The following SRFBP1 variants were observed in gnomAD, a reference collection of about 807,000 sequenced individuals.
SRFBP1 encodes serum response factor-binding protein 1.
Under a neutral mutation model 45.5 loss-of-function variants are expected in SRFBP1, and 47 were observed. The observed-to-expected ratio is 1.03, with a 90% CI of 0.82 to 1.32. SRFBP1 has a LOEUF of 1.32. SRFBP1 is among the 40% of genes most tolerant of loss of function. The pLI is 0.00. For synonymous variants in SRFBP1, 203 were observed against 166.3 expected, an observed-to-expected ratio of 1.22 and a Z score of -1.70; for missense variants, 621 against 484.6, an observed-to-expected ratio of 1.28 and a Z score of -2.64.
At chr5:121,966,688 G>A (rs1384264949) in intron 1 of SRFBP1, among the ~76,000 whole-genome samples, 2 of 152,234 alleles carry the variant, frequency 1.3e-5, no homozygotes, top group East Asian at 1.9e-4. Context: ...ATCAGATTTA[G>A]GAGGTGTAGC....
At chr5:122,054,546 C>T (rs1407404769) in intron 2 of SRFBP1, among the ~76,000 whole-genome samples, 1 of 152,198 alleles carries the variant, frequency 6.6e-6, no homozygotes, top group Non-Finnish European at 1.5e-5. Context: ...TTGAAAGACA[C>T]TGTAACTGTG....
intron 3 of SRFBP1, among the ~76,000 whole-genome samples, chr5:121,976,875 T>A (rs911575483): frequency 2.7e-5 from 4 of 150,140 alleles, no homozygotes. Context: ...TTTATATATA[T>A]AAAAAATATA....
chr5:121,962,420 C>T (rs538568935), intron 1 of SRFBP1, among the ~76,000 whole-genome samples: 16 of 152,270 alleles, frequency 1.1e-4, no homozygotes, highest in African/African-American at 3.4e-4. Context: ...GTGCCTGACC[C>T]TTAATAAACT....
chr5:121,975,350 G>A lies in SRFBP1; in HGVS notation c.161G>A (p.Arg54Gln), dbSNP rs939285720. 65 of 1,613,208 alleles carry A rather than the reference G, an allele frequency of 4.0e-5. No homozygotes were observed. The highest frequency in any genetic ancestry group is 5.0e-5 in the Non-Finnish European group (59 of 1,179,402). ...TEDALLKNQRRAQRLLEEIHA... is the reference protein window; with the variant it reads ...TEDALLKNQRQAQRLLEEIHA... ...GATGCACTGTTAAAAAACCAAAGAC[G>A]GGCGCAAAGATTGCTTGAAGAAATC... The change falls in exon 3 of 8, where the codon CGG (arginine) becomes CAG (glutamine). Residue 54 changes from arginine to glutamine, a missense_variant. Coordinates refer to ENST00000339397, the MANE Select transcript of SRFBP1 (RefSeq NM_152546.3).
chr5:122,055,190 G>A (rs562451907), intron 2 of SRFBP1, among the ~76,000 whole-genome samples: 1 of 152,148 alleles, frequency 6.6e-6, no homozygotes, highest in Non-Finnish European at 1.5e-5. Context: ...CCTCACTCAT[G>A]ATGCCTTCTT....
chr5:121,975,331 C>G lies in SRFBP1; in HGVS notation c.142C>G (p.Leu48Val), dbSNP rs572296441. ...LKSKKGTEDA[L>V]LKNQRRAQRL... ...TTTTTGCAGGGGTACTGAAGATGCA[C>G]TGTTAAAAAACCAAAGACGGGCGCA... Residue 48 changes from leucine (L) to valine (V), a missense_variant, in exon 3 of 8, where the codon CTG (leucine) becomes GTG (valine). Leu to Val is a conservative substitution (Grantham distance 32, BLOSUM62 1). Coordinates refer to ENST00000339397, the MANE Select transcript of SRFBP1 (RefSeq NM_152546.3). 1.5e-5 allele frequency: 24 copies of G among 1,613,212 alleles called. No homozygotes were observed. Among genetic ancestry groups the G allele is most frequent in the Admixed American group, 3.3e-5 (2 of 59,982 alleles).
chr5:122,005,745 C>T (rs1400598944), intron 4 of SRFBP1, among the ~76,000 whole-genome samples: 1 of 151,974 alleles, frequency 6.6e-6, no homozygotes, highest in Non-Finnish European at 1.5e-5. Context: ...TTCTCTCTTG[C>T]TGTGTTTCTC....
chr5:121,967,251 C>T lies in SRFBP1; in HGVS notation c.36+5183C>T, dbSNP rs536248179. On this transcript the variant is annotated intron_variant, in intron 1 of 7. Transcript: ENST00000339397. ...GAATGTCAAGAACCACGTTTGTATG[C>T]GCTTATGAAGTTACAAAACGCTTGT... is the stretch of plus-strand genomic sequence containing the variant. Among the ~76,000 whole-genome samples, 18 of 152,204 alleles carry T rather than the reference C, an allele frequency of 1.2e-4. No homozygotes were observed. In the South Asian group the frequency reaches 2.5e-3, roughly 21 times the overall value.
chr5:121,995,615 A>C (rs892495850), intron 4 of SRFBP1, among the ~76,000 whole-genome samples: 6 of 152,206 alleles, frequency 3.9e-5, no homozygotes, highest in Middle Eastern at 3.2e-3. Flanking sequence ...CTAGAAAAGC[A>C]AGAGCAAACA....
At chr5:122,015,451 A>G (rs1285679848) in intron 4 of SRFBP1, among the ~76,000 whole-genome samples, 3 of 152,174 alleles carry the variant, frequency 2.0e-5, no homozygotes, top group East Asian at 3.9e-4. Context: ...CAAGGATTCT[A>G]CTTGCATGTA....
chr5:122,045,109 CAG>C (rs1753834771), intron 2 of SRFBP1, among the ~76,000 whole-genome samples: 1 of 152,106 alleles, frequency 6.6e-6, no homozygotes, highest in South Asian at 2.1e-4. Context: ...CATTTATGAA[CAG>C]AGAGTCCTAT....
At chr5:122,029,622 C>A, downstream of SRFBP1, among the ~76,000 whole-genome samples, 1 of 152,146 alleles carries the variant, frequency 6.6e-6, no homozygotes, top group East Asian at 1.9e-4. Context: ...GGCCACTGAG[C>A]TCTTTTGGGG....
At chr5:121,982,064 G>T (rs749060167) in intron 3 of SRFBP1, among the ~76,000 whole-genome samples, 6 of 151,806 alleles carry the variant, frequency 4.0e-5, no homozygotes, top group Non-Finnish European at 7.4e-5. Flanking sequence ...AGAAGAATCT[G>T]TAATCAGAAG....
intron 1 of SRFBP1, among the ~76,000 whole-genome samples, chr5:121,969,037 C>T (rs1023447054): frequency 2.6e-5 from 4 of 152,106 alleles, no homozygotes; most frequent in Admixed American, 2.6e-4. Context: ...AGCCAAAAGT[C>T]AATTCAAGTA....
rs532715942 is a variant in SRFBP1, at chr5:121,962,179, G to A, written c.36+111G>A. On this transcript the variant is annotated intron_variant, in intron 1 of 7. Coordinates refer to ENST00000339397, the MANE Select transcript of SRFBP1 (RefSeq NM_152546.3). ...GGGTGCGGTTGGAGGAACTTTCGTG[G>A]TGGGCCCAGGCGGGTTTCCCGCAAC... 2.7e-5 allele frequency: 37 copies of A among 1,383,206 alleles called. 1 individual carries two copies. In the South Asian group the frequency reaches 4.2e-4, roughly 16 times the overall value. 85.7% of individuals were successfully genotyped at this position (1,383,206 alleles called of 1,614,324 possible).
intron 4 of SRFBP1, among the ~76,000 whole-genome samples, chr5:122,008,384 G>A (rs567741453): frequency 1.8e-3 from 271 of 152,172 alleles, no homozygotes; most frequent in African/African-American, 5.4e-3. Flanking sequence ...GGCCTGTGAC[G>A]ACCTTCTTGG....
chr5:122,068,174 T>TAAAAAAAAAAAAAAA (rs10650287), intron 2 of SRFBP1, among the ~76,000 whole-genome samples: 1 of 115,908 alleles, frequency 8.6e-6, no homozygotes, highest in Non-Finnish European at 1.7e-5. Flanking sequence ...TAATAACTAG[T>TAAAAAAAAAAAAAAA]AAAAAAAAAA....
At chr5:122,062,260 A>C (rs1754183319) in intron 2 of SRFBP1, among the ~76,000 whole-genome samples, 1 of 151,948 alleles carries the variant, frequency 6.6e-6, no homozygotes, top group South Asian at 2.1e-4. Context: ...TATAAATATT[A>C]TTTGCTCTCC....
chr5:122,020,593 C>T lies in SRFBP1; in HGVS notation c.858C>T (p.Phe286=). 6.2e-7 allele frequency: 1 copy of T among 1,613,800 alleles called. No homozygotes were observed. The highest frequency in any genetic ancestry group is 1.3e-5 in the African/African-American group (1 of 75,026). The change falls in exon 6 of 8, where the codon TTC becomes TTT. Residue 286 remains phenylalanine, a synonymous_variant. Coordinates refer to ENST00000339397, the MANE Select transcript of SRFBP1 (RefSeq NM_152546.3). ...SEDSDSGDDF[F]IGKVRRTRKK... ...ATAGTGATAGCGGTGACGACTTCTTCATTGGGAAAGTCAGACGGACACGAA... is the reference window on the plus strand; with the variant it reads ...ATAGTGATAGCGGTGACGACTTCTTTATTGGGAAAGTCAGACGGACACGAA...
Sources: allele counts gnomAD v4.1 joint callset (sites outside exome capture counted in the v4.1 genomes callset), GRCh38; gene constraint gnomAD v4.1.1; transcripts MANE v1.5; gene names NCBI Gene and HGNC (gene_info 2026-07-23, HGNC 2026-07-21).